Variants in PPP2R1B observed in about 807,000 individuals in gnomAD.
PPP2R1B encodes the protein protein phosphatase 2 scaffold subunit Abeta.
PPP2R1B carries 58 observed loss-of-function variants against 72.7 expected under a neutral mutation model. The ratio of observed to expected loss-of-function variants is 0.80; its 90% CI spans 0.65 to 0.99. The LOEUF is 0.99. Among genes scored for constraint, PPP2R1B ranks in the 50% least tolerant of loss-of-function variants. The pLI, the probability that PPP2R1B is intolerant of heterozygous loss-of-function variation, is 0.00. For missense variants in PPP2R1B, 695 were observed against 733.6 expected (o/e 0.95, Z 0.61); for synonymous variants, 256 against 264.6 (o/e 0.97, Z 0.32).
intron 5 of PPP2R1B, 79 bp downstream of exon 5, chr11:111,759,725 T>G: frequency 2.1e-6 from 3 of 1,454,272 alleles, no homozygotes; most frequent in Non-Finnish European, 2.8e-6. Flanking sequence ...ACAAGAAAAC[T>G]AAAACTCCCC....
chr11:111,734,099 C>T (rs189531919), downstream of PPP2R1B, among the ~76,000 whole-genome samples: 1 of 152,312 alleles, frequency 6.6e-6, no homozygotes, highest in East Asian at 1.9e-4. Context: ...GGGTTTACTG[C>T]GAGGGGCAAA....
chr11:111,740,866 G>A lies in PPP2R1B; in HGVS notation c.*730C>T, dbSNP rs1944493071. ...GAGGCACTACAGTTAAAGCTTTTTAGAAAAGAGAGAGAAGTATTTTTAAAT... is the reference window on the plus strand; with the variant it reads ...GAGGCACTACAGTTAAAGCTTTTTAAAAAAGAGAGAGAAGTATTTTTAAAT... On this transcript the variant is annotated 3_prime_UTR_variant, in exon 15 of 15. Transcript: ENST00000527614. The A allele has an allele frequency of 1.0e-6, 1 of 985,324 alleles. No homozygotes were observed. Among genetic ancestry groups the A allele is most frequent in the African/African-American group, 1.7e-5 (1 of 57,234 alleles). 61.0% of individuals were successfully genotyped at this position (985,324 alleles called of 1,614,324 possible).
In PPP2R1B at chr11:111,741,152, A is replaced by C; in HGVS notation, c.*444T>G. The C allele has an allele frequency of 1.0e-6, 1 of 990,242 alleles. No homozygotes were observed. Among genetic ancestry groups the C allele is most frequent in the African/African-American group, 1.7e-5 (1 of 57,460 alleles). 61.3% of individuals were successfully genotyped at this position (990,242 alleles called of 1,614,324 possible). On this transcript the variant is annotated 3_prime_UTR_variant, in exon 15 of 15. Coordinates refer to ENST00000527614, the MANE Select transcript of PPP2R1B (RefSeq NM_002716.5). ...ATGTCTCCCGAAGAGTTTATAAAAT[A>C]AGTTATTCTAAACATGTACATTTAG...
At chr11:111,733,987 C>T (rs1023876093), downstream of PPP2R1B, among the ~76,000 whole-genome samples, 1 of 152,312 alleles carries the variant, frequency 6.6e-6, no homozygotes. Context: ...GAGGCCTCGG[C>T]CCCTGGCGCC....
the PPP2R1B span, among the ~76,000 whole-genome samples, chr11:111,696,039 TTAAG>T: frequency 6.6e-6 from 1 of 152,210 alleles, no homozygotes; most frequent in Non-Finnish European, 1.5e-5. Flanking sequence ...GGCTGGTTAA[TTAAG>T]TAAGAGACAG....
intron 10 of PPP2R1B, 135 bp downstream of exon 10, chr11:111,752,024 A>G: frequency 1.0e-6 from 1 of 953,930 alleles, no homozygotes; most frequent in Non-Finnish European, 1.5e-6. Context: ...ACCATCCTAT[A>G]GGTAACAAGA....
chr11:111,764,649 T>C (rs574236179), intron 3 of PPP2R1B, among the ~76,000 whole-genome samples, 156 bp downstream of exon 3: 1 of 150,140 alleles, frequency 6.7e-6, no homozygotes, highest in African/African-American at 2.4e-5. Context: ...GAGTGCAAAG[T>C]GCCTACAGTA....
At chr11:111,736,261 G>A (rs1217406263), downstream of PPP2R1B, among the ~76,000 whole-genome samples, 1 of 152,116 alleles carries the variant, frequency 6.6e-6, no homozygotes, top group African/African-American at 2.4e-5. Flanking sequence ...GAGGCAGCCC[G>A]GGCCCTGTCA....
intron 13 of PPP2R1B, 169 bp from the exon 14 acceptor site, chr11:111,742,313 G>GATA: frequency 1.3e-6 from 1 of 754,290 alleles, no homozygotes; most frequent in Non-Finnish European, 2.1e-6. Context: ...AGCAAAATCA[G>GATA]CTTCAGACAA....
intron 15 of PPP2R1B, among the ~76,000 whole-genome samples, chr11:111,732,815 G>A (rs1364215650): frequency 2.0e-5 from 3 of 152,226 alleles, no homozygotes; most frequent in Admixed American, 6.5e-5. Flanking sequence ...TGGGCACCAT[G>A]GGAGGAAGTT....
the PPP2R1B span, among the ~76,000 whole-genome samples, chr11:111,711,971 TC>T: frequency 1.3e-5 from 2 of 152,328 alleles, 1 homozygote; most frequent in Middle Eastern, 6.8e-3. Context: ...AAGTCAAGCA[TC>T]CCCTCATGAG....
chr11:111,761,992 G>T (rs1165634211), intron 3 of PPP2R1B, among the ~76,000 whole-genome samples: 2 of 152,120 alleles, frequency 1.3e-5, no homozygotes, highest in Non-Finnish European at 1.5e-5. Flanking sequence ...GAGATGGTAG[G>T]ACACCTTGCT....
Position 111,739,291 on chromosome 11 carries a change from G to A in PPP2R1B, c.*2305C>T. On this transcript the variant is annotated 3_prime_UTR_variant, in exon 15 of 15. Transcript: ENST00000527614. ...ATACCAGCCTTACAGAGCTCCTAAA[G>A]CCTATATTCCAGTGAAATCAAGATA... 7.2e-6 allele frequency: 7 copies of A among 975,682 alleles called. No homozygotes were observed. The highest frequency in any genetic ancestry group is 7.3e-6 in the Non-Finnish European group (6 of 821,420). The allele number at this position is 975,682 out of a possible 1,614,324, so 60.4% of individuals were successfully genotyped here.
chr11:111,754,640 C>CCAGGTTTATCAATAATTT, intron 7 of PPP2R1B, 71 bp from the exon 8 acceptor site: 1 of 1,540,624 alleles, frequency 6.5e-7, no homozygotes, highest in East Asian at 2.3e-5. Flanking sequence ...GGACATTTAA[C>CCAGGTTTATCAATAATTT]CAGGTTTATC....
At chr11:111,737,192 G>A (rs535752509), downstream of PPP2R1B, among the ~76,000 whole-genome samples, 58 of 152,218 alleles carry the variant, frequency 3.8e-4, no homozygotes, top group Non-Finnish European at 7.8e-4. Context: ...GGAGGTGATA[G>A]GAGATGGGCC....
chr11:111,727,535 C>T (rs1210593358), intron 15 of PPP2R1B: 1 of 167,412 alleles, frequency 6.0e-6, no homozygotes, highest in Non-Finnish European at 1.3e-5. Flanking sequence ...GGGACCCCCC[C>T]TGTAGGAGTA....
intron 12 of PPP2R1B, among the ~76,000 whole-genome samples, 187 bp downstream of exon 12, chr11:111,743,189 C>A (rs867915235): frequency 6.6e-6 from 1 of 152,286 alleles, no homozygotes; most frequent in Middle Eastern, 3.4e-3. Flanking sequence ...CCACTGTGCC[C>A]AGCCAATACT....
the PPP2R1B span, among the ~76,000 whole-genome samples, chr11:111,706,158 A>T: frequency 6.6e-6 from 1 of 150,918 alleles, no homozygotes; most frequent in African/African-American, 2.4e-5. Context: ...TATGACAATT[A>T]AATTAGTTAA....
intron 10 of PPP2R1B, among the ~76,000 whole-genome samples, 163 bp downstream of exon 10, chr11:111,751,996 G>A (rs1944924431): frequency 6.6e-6 from 1 of 152,060 alleles, no homozygotes; most frequent in Non-Finnish European, 1.5e-5. Flanking sequence ...AGAAACGTAT[G>A]CACTAACAAA....
Sources: gnomAD v4.1 joint callset for allele counts (sites outside exome capture counted in the v4.1 genomes callset) on GRCh38, gnomAD v4.1.1 for gene constraint, MANE v1.5 for transcripts, NCBI Gene and HGNC (gene_info 2026-07-23, HGNC 2026-07-21) for gene names.